Variants in TFB1M observed in about 807,000 individuals in gnomAD.
TFB1M encodes the protein dimethyladenosine transferase 1, mitochondrial.
A neutral mutation model predicts 31.1 loss-of-function variants in TFB1M; 27 were observed. That is an observed-to-expected ratio of 0.87 (90% CI 0.64 to 1.20). The LOEUF (loss-of-function observed/expected upper bound fraction) is 1.20. TFB1M is among the 50% of genes most tolerant of loss of function. The probability of loss-of-function intolerance (pLI) is 0.00; values close to 1 mark genes in which losing one functional copy is unlikely to be tolerated. For synonymous variants in TFB1M, 166 were observed against 151.8 expected (o/e 1.09, Z -0.69); for missense variants, 394 against 418.7 (o/e 0.94, Z 0.51).
downstream of TFB1M, chr6:155,252,943 T>A: frequency 6.2e-7 from 1 of 1,613,810 alleles, no homozygotes; most frequent in Non-Finnish European, 8.5e-7. Context: ...GCCTTCATGT[T>A]ACAGCCCTCG....
chr6:155,267,585 G>A (rs1784717340), intron 5 of TFB1M, among the ~76,000 whole-genome samples: 1 of 152,178 alleles, frequency 6.6e-6, no homozygotes, highest in Non-Finnish European at 1.5e-5. Context: ...CAGTCTTAGA[G>A]TCACAGTAGG....
the TFB1M span, among the ~76,000 whole-genome samples, chr6:155,235,140 T>A: frequency 6.6e-6 from 1 of 152,208 alleles, no homozygotes. Flanking sequence ...TGGAAAGCCC[T>A]GGAGAGTCAT....
the TFB1M span, chr6:155,250,976 C>G: frequency 6.2e-7 from 1 of 1,614,206 alleles, no homozygotes; most frequent in Non-Finnish European, 8.5e-7. Context: ...GAATCCATTT[C>G]TGTCTCTAGG....
chr6:155,300,025 C>CT (rs1284330263), intron 2 of TFB1M, among the ~76,000 whole-genome samples: 1 of 152,176 alleles, frequency 6.6e-6, no homozygotes, highest in Non-Finnish European at 1.5e-5. Flanking sequence ...GTGTTTAATA[C>CT]ATATTTAAGA....
the TFB1M span, among the ~76,000 whole-genome samples, chr6:155,241,113 G>A: frequency 1.3e-5 from 2 of 152,164 alleles, no homozygotes; most frequent in Non-Finnish European, 2.9e-5. Flanking sequence ...GCGGTGGCCC[G>A]GGCCAGCCCT....
At chr6:155,289,663 G>A (rs1279692979) in intron 4 of TFB1M, among the ~76,000 whole-genome samples, 2 of 152,122 alleles carry the variant, frequency 1.3e-5, no homozygotes, top group African/African-American at 4.8e-5. Flanking sequence ...AGCTTCCTGT[G>A]GCTAAAATAC....
At chr6:155,246,494 A>G in the TFB1M span, among the ~76,000 whole-genome samples, 105 of 152,308 alleles carry the variant, frequency 6.9e-4, no homozygotes, top group African/African-American at 2.4e-3. Context: ...TTAATTAATT[A>G]ATTTTAAAAA....
At chr6:155,250,473 ACAGGAAAGGACTGGAGAT>A in the TFB1M span, 415 of 1,357,358 alleles carry the variant, frequency 3.1e-4, no homozygotes, top group African/African-American at 4.6e-3. Context: ...AATGGCAGGA[ACAGGAAAGGACTGGAGAT>A]CAGTCCTTCA....
the TFB1M span, chr6:155,250,524 T>TG: frequency 3.3e-6 from 5 of 1,535,122 alleles, no homozygotes; most frequent in Non-Finnish European, 2.6e-6. Context: ...TCAATGCTGG[T>TG]GCTCTTTTAT....
At chr6:155,283,671 C>A (rs115036888) in intron 5 of TFB1M, among the ~76,000 whole-genome samples, 209 of 152,234 alleles carry the variant, frequency 1.4e-3, no homozygotes, top group African/African-American at 4.8e-3. Context: ...TCCTAAGAAC[C>A]CGTTAGTAAA....
intron 5 of TFB1M, 189 bp from the exon 6 acceptor site, chr6:155,260,589 G>A (rs543058254): frequency 2.9e-6 from 2 of 700,206 alleles, no homozygotes; most frequent in East Asian, 2.8e-5. Flanking sequence ...AAATGACATG[G>A]AGAAATCAGC....
chr6:155,243,934 CAGG>C, the TFB1M span: 1 of 1,124,082 alleles, frequency 8.9e-7, no homozygotes, highest in Non-Finnish European at 1.3e-6. Flanking sequence ...GAGCTGCTGC[CAGG>C]TTGCTGCTAC....
the TFB1M span, among the ~76,000 whole-genome samples, chr6:155,241,595 G>T: frequency 6.6e-6 from 1 of 152,190 alleles, no homozygotes; most frequent in African/African-American, 2.4e-5. Context: ...CTGCAAGACA[G>T]ATCTGAGCTT....
chr6:155,298,470 C>A lies in TFB1M; in HGVS notation c.394+7G>T, dbSNP rs181167342. Reference sequence around the variant, plus strand: ...GAAATGTTTTATAACTACCCAAAAGCACTCACCATCTTCCCAGGGTCTTTT... The same window carrying A: ...GAAATGTTTTATAACTACCCAAAAGAACTCACCATCTTCCCAGGGTCTTTT... On this transcript the variant is annotated splice_region_variant and intron_variant, in intron 3 of 6. Coordinates refer to ENST00000367166, the MANE Select transcript of TFB1M (RefSeq NM_016020.4). 3,359 of 1,454,904 alleles carry A rather than the reference C, an allele frequency of 2.3e-3. 14 individuals are homozygous for A. Among genetic ancestry groups the A allele is most frequent in the South Asian group, 2.8e-3 (243 of 87,898 alleles). The allele number at this position is 1,454,904 out of a possible 1,614,324, so 90.1% of individuals were successfully genotyped here. A position where few individuals can be genotyped will look rare whatever the true frequency, so the allele number is the denominator to read the frequency against.
intron 5 of TFB1M, among the ~76,000 whole-genome samples, chr6:155,272,161 C>A (rs770579120): frequency 6.6e-6 from 1 of 152,008 alleles, no homozygotes; most frequent in Non-Finnish European, 1.5e-5. Context: ...GACAACTGAC[C>A]GAAGGAGTTA....
At chr6:155,248,052 G>C in the TFB1M span, 1 of 1,614,214 alleles carries the variant, frequency 6.2e-7, no homozygotes, top group Non-Finnish European at 8.5e-7. Flanking sequence ...ACCCCACCAA[G>C]CAGCATTCCT....
chr6:155,258,962 C>A lies in TFB1M; in HGVS notation c.795-880G>T, dbSNP rs556473114. ...TAAGTCAAAGTCCTTTGACCTGTTA[C>A]CCTGGGTGGCACAGTATCTGGTCCA... On this transcript the variant is annotated intron_variant, in intron 6 of 6. Coordinates refer to ENST00000367166, the MANE Select transcript of TFB1M (RefSeq NM_016020.4). Among the ~76,000 whole-genome samples the A allele has an allele frequency of 8.3e-4, 126 of 152,296 alleles. 1 individual carries two copies. The South Asian group carries it at 0.022, about 26-fold the overall frequency.
chr6:155,246,483 T>A, the TFB1M span, among the ~76,000 whole-genome samples: 69 of 152,052 alleles, frequency 4.5e-4, no homozygotes, highest in African/African-American at 1.5e-3. Flanking sequence ...TTTAATTAAA[T>A]TTAATTAATT....
the TFB1M span, chr6:155,245,575 G>T: frequency 1.4e-6 from 2 of 1,455,300 alleles, no homozygotes; most frequent in Non-Finnish European, 1.9e-6. Context: ...AAGCCAGCAC[G>T]CATTGATTAA....
Sources: allele counts gnomAD v4.1 joint callset (sites outside exome capture counted in the v4.1 genomes callset), GRCh38; gene constraint gnomAD v4.1.1; transcripts MANE v1.5; gene names NCBI Gene and HGNC (gene_info 2026-07-23, HGNC 2026-07-21).